TENM2: variants seen among roughly 807,000 people sequenced by gnomAD.
TENM2 encodes teneurin transmembrane protein 2.
A neutral mutation model predicts 245.2 loss-of-function variants in TENM2; 52 were observed. The observed-to-expected ratio is 0.21, with a 90% CI of 0.17 to 0.27. The LOEUF is 0.27. Ranked by LOEUF, TENM2 falls within the 10% of genes least tolerant of loss-of-function variation. TENM2 has a pLI of 1.00. For missense variants in TENM2, 3,046 were observed against 3,666.8 expected (o/e 0.83, Z 4.37); for synonymous variants, 1,363 against 1,438.9 (o/e 0.95, Z 1.19).
At chr5:167,191,253 C>T in the TENM2 span, among the ~76,000 whole-genome samples, 2 of 151,938 alleles carry the variant, frequency 1.3e-5, no homozygotes, top group Non-Finnish European at 1.5e-5. Flanking sequence ...TATATGTTAT[C>T]CACAAAATAA....
intron 24 of TENM2, 85 bp downstream of exon 26, chr5:168,226,348 C>A: frequency 7.6e-7 from 1 of 1,316,288 alleles, no homozygotes. Context: ...GTTATGCAGC[C>A]TGGGAGGACT....
chr5:167,199,581 C>T, the TENM2 span, among the ~76,000 whole-genome samples: 2 of 152,096 alleles, frequency 1.3e-5, no homozygotes, highest in African/African-American at 4.8e-5. Flanking sequence ...GAATGCTTAC[C>T]TTCTCCGTAT....
At chr5:168,054,793 G>A (rs1023921306) in intron 6 of TENM2, among the ~76,000 whole-genome samples, 2 of 151,474 alleles carry the variant, frequency 1.3e-5, no homozygotes, top group Non-Finnish European at 2.9e-5. Context: ...ATTTACATGA[G>A]CAATCTTCCG....
At chr5:168,204,908 G>A (rs1352335379) in intron 19 of TENM2, among the ~76,000 whole-genome samples, 2 of 152,208 alleles carry the variant, frequency 1.3e-5, no homozygotes, top group Admixed American at 1.3e-4. Context: ...AAGCTCTGTA[G>A]ACACACATCA....
chr5:167,599,408 T>G (rs185530427), intron 2 of TENM2, among the ~76,000 whole-genome samples: 49 of 152,304 alleles, frequency 3.2e-4, no homozygotes, highest in Non-Finnish European at 4.6e-4. Flanking sequence ...AAATAAACCA[T>G]ATAACTCTCA....
chr5:167,278,157 A>G, the TENM2 span, among the ~76,000 whole-genome samples: 219 of 152,080 alleles, frequency 1.4e-3, no homozygotes, highest in African/African-American at 5.0e-3. Context: ...TACACAAATT[A>G]TCCAGGCATG....
At chr5:167,185,698 A>G in the TENM2 span, among the ~76,000 whole-genome samples, 3 of 150,774 alleles carry the variant, frequency 2.0e-5, no homozygotes, top group African/African-American at 7.4e-5. Flanking sequence ...ATTTGGTTCC[A>G]TTTCTTGAAG....
At chr5:167,284,973 C>T in exon 1 of TENM2, 1 of 1,551,958 alleles carries the variant, frequency 6.4e-7, no homozygotes, top group Non-Finnish European at 8.7e-7. Flanking sequence ...CAGTGAGACT[C>T]TGAAGGCCTA....
chr5:167,906,096 A>G (rs1037913628), intron 3 of TENM2, among the ~76,000 whole-genome samples: 8 of 152,184 alleles, frequency 5.3e-5, no homozygotes, highest in Admixed American at 6.5e-5. Context: ...ACCCTGCAGG[A>G]GATAACTTAT....
intron 2 of TENM2, among the ~76,000 whole-genome samples, chr5:167,818,311 A>C (rs1001685029): frequency 6.6e-6 from 1 of 152,184 alleles, no homozygotes; most frequent in Admixed American, 6.5e-5. Flanking sequence ...ACAGATTGTC[A>C]ATAACAATCT....
At chr5:167,452,218 T>C (rs1765628976) in intron 2 of TENM2, among the ~76,000 whole-genome samples, 1 of 152,176 alleles carries the variant, frequency 6.6e-6, no homozygotes, top group African/African-American at 2.4e-5. Flanking sequence ...TATTTCAACA[T>C]TTCCTGAAAA....
At chr5:167,107,000 T>C in the TENM2 span, among the ~76,000 whole-genome samples, 1 of 151,204 alleles carries the variant, frequency 6.6e-6, no homozygotes, top group Non-Finnish European at 1.5e-5. Flanking sequence ...ATCCTAGCAC[T>C]TTGGGAGGCC....
At chr5:167,307,368 G>A (rs761355525) in intron 1 of TENM2, among the ~76,000 whole-genome samples, 17 of 152,058 alleles carry the variant, frequency 1.1e-4, no homozygotes, top group Non-Finnish European at 2.1e-4. Context: ...ATACTGTCAG[G>A]ATTAAAACAC....
At chr5:167,065,621 A>G in the TENM2 span, among the ~76,000 whole-genome samples, 1 of 152,240 alleles carries the variant, frequency 6.6e-6, no homozygotes, top group South Asian at 2.1e-4. Flanking sequence ...ATACATAGTG[A>G]TGGCTAATAC....
At chr5:167,561,109 T>G (rs1773559057) in intron 2 of TENM2, among the ~76,000 whole-genome samples, 1 of 152,222 alleles carries the variant, frequency 6.6e-6, no homozygotes, top group Non-Finnish European at 1.5e-5. Flanking sequence ...TACCTTGGTA[T>G]ATTCATCCTC....
intron 2 of TENM2, among the ~76,000 whole-genome samples, chr5:167,577,990 C>A (rs1200082002): frequency 6.6e-6 from 1 of 152,094 alleles, no homozygotes; most frequent in Non-Finnish European, 1.5e-5. Context: ...CAAAATAATC[C>A]CCATCAGCAA....
At chr5:167,806,085 C>G (rs1437957429) in intron 2 of TENM2, among the ~76,000 whole-genome samples, 1 of 152,084 alleles carries the variant, frequency 6.6e-6, no homozygotes, top group Admixed American at 6.6e-5. Flanking sequence ...AGGTAAGCCA[C>G]CGGATGCCAC....
the TENM2 span, among the ~76,000 whole-genome samples, chr5:167,045,191 C>T: frequency 6.6e-6 from 1 of 152,148 alleles, no homozygotes; most frequent in Admixed American, 6.5e-5. Flanking sequence ...GGTGTTTCCT[C>T]CAAAACTGTA....
chr5:167,149,479 G>T, the TENM2 span, among the ~76,000 whole-genome samples: 4 of 152,124 alleles, frequency 2.6e-5, no homozygotes, highest in Non-Finnish European at 5.9e-5. Flanking sequence ...GATACACAGA[G>T]TATAGACCGG....
Sources: gnomAD v4.1 joint callset for allele counts (sites outside exome capture counted in the v4.1 genomes callset) on GRCh38, gnomAD v4.1.1 for gene constraint, MANE v1.5 for transcripts, NCBI Gene and HGNC (gene_info 2026-07-23, HGNC 2026-07-21) for gene names.